Variants in TDRD5 observed in about 807,000 individuals in gnomAD.
The protein encoded by TDRD5 is tudor domain-containing protein 5.
A neutral mutation model predicts 120.6 loss-of-function variants in TDRD5; 41 were observed. The observed-to-expected ratio is 0.34, with a 90% CI of 0.26 to 0.44. The LOEUF (loss-of-function observed/expected upper bound fraction) is 0.44, where lower values mean the gene tolerates loss of function less well. Ranked by LOEUF, TDRD5 falls within the 20% of genes least tolerant of loss-of-function variation. The pLI is 1.00. For synonymous variants in TDRD5, 430 were observed against 433.7 expected, an observed-to-expected ratio of 0.99 and a Z score of 0.11; for missense variants, 1,006 against 1,221.2, an observed-to-expected ratio of 0.82 and a Z score of 2.63.
intron 11 of TDRD5, among the ~76,000 whole-genome samples, chr1:179,642,765 G>T (rs1678124924): frequency 6.6e-6 from 1 of 152,148 alleles, no homozygotes; most frequent in African/African-American, 2.4e-5. Flanking sequence ...TTAACTAAAT[G>T]AATCTCTCAC....
At chr1:179,626,571 T>C (rs1677143756) in intron 6 of TDRD5, among the ~76,000 whole-genome samples, 1 of 152,212 alleles carries the variant, frequency 6.6e-6, no homozygotes, top group Admixed American at 6.5e-5. Context: ...TTCTAGTTAA[T>C]GCTGTACGTG....
At chr1:179,646,575 T>G (rs1391584578) in intron 11 of TDRD5, among the ~76,000 whole-genome samples, 2 of 146,096 alleles carry the variant, frequency 1.4e-5, no homozygotes, top group African/African-American at 2.5e-5. Context: ...ACCACTCCTA[T>G]TCAACATAGT....
intron 14 of TDRD5, among the ~76,000 whole-genome samples, chr1:179,658,018 A>T (rs1679100287): frequency 6.6e-6 from 1 of 152,074 alleles, no homozygotes; most frequent in African/African-American, 2.4e-5. Flanking sequence ...TCCACCTCCT[A>T]GCCTCTGGTA....
At chr1:179,627,118 A>G (rs1481424504) in intron 6 of TDRD5, among the ~76,000 whole-genome samples, 1 of 152,258 alleles carries the variant, frequency 6.6e-6, no homozygotes, top group Non-Finnish European at 1.5e-5. Flanking sequence ...AGTGACTTAT[A>G]TACTCAAAAC....
intron 14 of TDRD5, among the ~76,000 whole-genome samples, chr1:179,658,955 T>C (rs574162377): frequency 3.9e-5 from 6 of 152,334 alleles, no homozygotes; most frequent in Non-Finnish European, 2.9e-5. Flanking sequence ...TATTGTATTT[T>C]CATTTTCATT....
intron 4 of TDRD5, among the ~76,000 whole-genome samples, chr1:179,611,729 G>T (rs1366446442): frequency 6.6e-6 from 1 of 152,202 alleles, no homozygotes; most frequent in African/African-American, 2.4e-5. Context: ...CTCATGGCAT[G>T]GCTCCAAGTT....
intron 14 of TDRD5, among the ~76,000 whole-genome samples, chr1:179,657,730 T>A (rs981326591): frequency 6.6e-6 from 1 of 152,094 alleles, no homozygotes; most frequent in Non-Finnish European, 1.5e-5. Flanking sequence ...TTTTCTTAGT[T>A]TTTTTAATTA....
chr1:179,621,946 C>A (rs1156271151), intron 6 of TDRD5, among the ~76,000 whole-genome samples: 1 of 152,186 alleles, frequency 6.6e-6, no homozygotes, highest in Non-Finnish European at 1.5e-5. Context: ...TAACTCTTAA[C>A]TACTGTGCCA....
At chr1:179,644,552 C>A (rs150116246) in intron 11 of TDRD5, among the ~76,000 whole-genome samples, 1 of 152,016 alleles carries the variant, frequency 6.6e-6, no homozygotes, top group East Asian at 1.9e-4. Flanking sequence ...ACCACCCCAA[C>A]AAAAAATTAA....
At chr1:179,659,592 C>T (rs3219914) in intron 14 of TDRD5, among the ~76,000 whole-genome samples, 3,855 of 67,820 alleles carry the variant, frequency 0.057, 179 homozygotes, top group African/African-American at 0.15. Context: ...TGTGTGTGTG[C>T]GCGCGCTTGC....
chr1:179,686,351 A>G (rs1680711041), intron 17 of TDRD5, among the ~76,000 whole-genome samples: 1 of 152,122 alleles, frequency 6.6e-6, no homozygotes. Context: ...ACGTTTATTG[A>G]TTTGCATATG....
At chr1:179,599,516 A>G (rs1675581730) in intron 4 of TDRD5, among the ~76,000 whole-genome samples, 1 of 150,510 alleles carries the variant, frequency 6.6e-6, no homozygotes, top group Admixed American at 6.6e-5. Context: ...ATATAGGGCT[A>G]TTTTGTATTT....
chr1:179,633,458 T>G (rs1245329781), intron 7 of TDRD5, among the ~76,000 whole-genome samples: 1 of 152,028 alleles, frequency 6.6e-6, no homozygotes, highest in Non-Finnish European at 1.5e-5. Flanking sequence ...TTCAAGTGAT[T>G]CTCCTGCCTC....
intron 11 of TDRD5, among the ~76,000 whole-genome samples, chr1:179,650,338 T>C (rs904592887): frequency 1.5e-5 from 2 of 137,480 alleles, no homozygotes; most frequent in Admixed American, 1.7e-4. Flanking sequence ...GAGGTGGAGG[T>C]CACAGTGAGC....
At chr1:179,665,984 C>T (rs893185353) in intron 16 of TDRD5, among the ~76,000 whole-genome samples, 8 of 152,032 alleles carry the variant, frequency 5.3e-5, no homozygotes, top group African/African-American at 1.7e-4. Flanking sequence ...GTGTACCTTC[C>T]GTCTAAACAA....
Position 179,652,099 on chromosome 1 carries a change from A to G in TDRD5, c.2062A>G (p.Ile688Val), listed in dbSNP as rs371180890. The G allele has an allele frequency of 3.7e-6, 6 of 1,613,918 alleles. 1 individual carries two copies. In the African/African-American group the frequency reaches 4.0e-5, roughly 11 times the overall value. Reference sequence around the variant, plus strand: ...GACATCCAGTGGAGGGCCAGAGGACATTGTCTTGACAGAACTGGGTTATCC... The same window carrying G: ...GACATCCAGTGGAGGGCCAGAGGACGTTGTCTTGACAGAACTGGGTTATCC... ...YTTSSGGPED[I>V]VLTELGYPSQ... The change falls in exon 13 of 18, where the codon ATT becomes GTT. Residue 688 changes from isoleucine (I) to valine (V), a missense_variant. Ile to Val is a conservative substitution (Grantham distance 29). This residue lies in a region of TDRD5 where 403 missense variants were observed against 448.1 expected (regional missense o/e 0.90). Coordinates refer to ENST00000444136, the MANE Select transcript of TDRD5 (RefSeq NM_001199085.3).
At chr1:179,592,519 T>G in intron 1 of TDRD5, 83 bp from the exon 2 acceptor site, 2 of 1,107,204 alleles carry the variant, frequency 1.8e-6, no homozygotes, top group Non-Finnish European at 2.6e-6. Context: ...GAGTCTCAGT[T>G]ATTTGTATCC....
At chr1:179,619,905 A>G (rs1558383877) in intron 5 of TDRD5, among the ~76,000 whole-genome samples, 1 of 152,172 alleles carries the variant, frequency 6.6e-6, no homozygotes, top group Non-Finnish European at 1.5e-5. Flanking sequence ...AAGAGTGAAT[A>G]TGATTTTTTT....
chr1:179,674,165 G>T (rs1413216407), intron 17 of TDRD5, among the ~76,000 whole-genome samples: 1 of 152,102 alleles, frequency 6.6e-6, no homozygotes, highest in African/African-American at 2.4e-5. Context: ...CCCATTCAGT[G>T]TAATGTTGGC....
Sources: allele counts gnomAD v4.1 joint callset (sites outside exome capture counted in the v4.1 genomes callset), GRCh38; gene constraint gnomAD v4.1.1; regional missense constraint gnomAD v4.1.1; transcripts MANE v1.5; gene names NCBI Gene and HGNC (gene_info 2026-07-23, HGNC 2026-07-21).